CD59: variants seen among roughly 807,000 people sequenced by gnomAD.
CD59 encodes the protein CD59 glycoprotein.
CD59 carries 3 observed loss-of-function variants against 7.0 expected under a neutral mutation model. The observed-to-expected ratio is 0.43, with a 90% confidence interval of 0.19 to 1.10. The LOEUF (loss-of-function observed/expected upper bound fraction) is 1.10. Among genes scored for constraint, CD59 ranks in the 50% least tolerant of loss-of-function variants. The pLI is 0.29. For synonymous variants in CD59, 60 were observed against 62.0 expected (o/e 0.97, Z 0.15); for missense variants, 143 against 151.0 (o/e 0.95, Z 0.28).
intron 1 of CD59, chr11:33,733,628 A>AC (rs1854481065): frequency 1.3e-5 from 2 of 152,170 alleles, no homozygotes; most frequent in South Asian, 4.1e-4. Flanking sequence ...AAAATTAAAA[A>AC]AAAAAATTAT....
chr11:33,718,014 TC>T (rs1853878942), intron 2 of CD59: 1 of 179,866 alleles, frequency 5.6e-6, no homozygotes, highest in African/African-American at 2.4e-5. Context: ...CAAATGGTTA[TC>T]CCCCTAAAAA....
rs146736117 is a variant in CD59, at chr11:33,717,587, C to G, written c.68-116G>C. ...AGCAACTTGTGGTATACTTCCACTC[C>G]CGCACAAATGTATAGCAGTTATATC... On this transcript the variant is annotated intron_variant, in intron 2 of 3. Coordinates refer to ENST00000642928, the MANE Select transcript of CD59 (RefSeq NM_000611.6). 381 of 715,346 alleles carry G rather than the reference C, an allele frequency of 5.3e-4. 4 individuals are homozygous for G. In the African/African-American group the frequency reaches 5.8e-3, roughly 11 times the overall value. 44.3% of individuals were successfully genotyped at this position (715,346 alleles called of 1,614,324 possible).
intron 3 of CD59, among the ~76,000 whole-genome samples, chr11:33,712,298 T>C (rs912167586): frequency 6.6e-6 from 1 of 152,192 alleles, no homozygotes; most frequent in Non-Finnish European, 1.5e-5. Flanking sequence ...GTAGTTTGAA[T>C]TGAAAACTAC....
chr11:33,732,241 A>G (rs2133575166), intron 1 of CD59, among the ~76,000 whole-genome samples: 1 of 152,318 alleles, frequency 6.6e-6, no homozygotes, highest in Middle Eastern at 3.4e-3. Flanking sequence ...GTTGAATTTT[A>G]ATCCCCAGTG....
At chr11:33,723,617 G>A (rs1221081964) in intron 1 of CD59, among the ~76,000 whole-genome samples, 1 of 152,186 alleles carries the variant, frequency 6.6e-6, no homozygotes, top group Non-Finnish European at 1.5e-5. Context: ...ACAAATTGAG[G>A]GCTCCCCACC....
intron 3 of CD59, among the ~76,000 whole-genome samples, chr11:33,714,300 T>C (rs1853689795): frequency 1.3e-5 from 2 of 152,244 alleles, no homozygotes; most frequent in East Asian, 1.9e-4. Context: ...CTATACTGAA[T>C]ACTGTAGGCA....
chr11:33,725,754 A>G (rs955168922), intron 1 of CD59, among the ~76,000 whole-genome samples: 1 of 152,212 alleles, frequency 6.6e-6, no homozygotes, highest in African/African-American at 2.4e-5. Flanking sequence ...TAAGGAAATG[A>G]GTATACTATG....
intron 2 of CD59, chr11:33,718,788 G>C (rs1335103259): frequency 6.6e-6 from 1 of 152,136 alleles, no homozygotes; most frequent in Non-Finnish European, 1.5e-5. Flanking sequence ...AGTTTTTGCT[G>C]GGTTATTTTT....
At chr11:33,726,844 C>T (rs1393744767) in intron 1 of CD59, among the ~76,000 whole-genome samples, 1 of 152,148 alleles carries the variant, frequency 6.6e-6, no homozygotes, top group Non-Finnish European at 1.5e-5. Context: ...AAGGGGATAT[C>T]ACTACCAATC....
chr11:33,715,127 T>TA (rs60692346), intron 3 of CD59, among the ~76,000 whole-genome samples: 75 of 152,054 alleles, frequency 4.9e-4, no homozygotes, highest in African/African-American at 1.8e-3. Flanking sequence ...GCTAACATGA[T>TA]AAAAAATATA....
intron 1 of CD59, among the ~76,000 whole-genome samples, chr11:33,728,965 G>A (rs1297284335): frequency 2.6e-5 from 4 of 152,180 alleles, no homozygotes; most frequent in Non-Finnish European, 5.9e-5. Context: ...ACCACAATGA[G>A]ATACCATCTC....
In CD59 at chr11:33,710,206, C is replaced by A; in HGVS notation, c.307G>T (p.Gly103Cys). ...LCNFNEQLENGGTSLSEKTVL... is the reference protein window; with the variant it reads ...LCNFNEQLENCGTSLSEKTVL... ...GTTTTCTCTGATAAGGATGTCCCACCATTTTCAAGCTGTTCGTTAAAGTTA... is the reference window on the plus strand; with the variant it reads ...GTTTTCTCTGATAAGGATGTCCCACAATTTTCAAGCTGTTCGTTAAAGTTA... Residue 103 changes from glycine (G) to cysteine (C), a missense_variant, in exon 4 of 4, where the codon GGT becomes TGT. By Grantham distance (159) the Gly-to-Cys change is radical. Transcript: ENST00000642928. The A allele has an allele frequency of 1.2e-6, 2 of 1,614,188 alleles. No individual in the cohort carries two copies. Among genetic ancestry groups the A allele is most frequent in the Non-Finnish European group, 1.7e-6 (2 of 1,180,024 alleles).
In CD59 at chr11:33,704,097, G is replaced by C. The variant is rs1025119245; in HGVS notation, c.*6029C>G. Reference sequence around the variant, plus strand: ...CTGTCAGCCATCAGATCCTGACCAGGTGCTCAGCCTCTTTAGGGATATGTC... The same window carrying C: ...CTGTCAGCCATCAGATCCTGACCAGCTGCTCAGCCTCTTTAGGGATATGTC... On this transcript the variant is annotated 3_prime_UTR_variant, in exon 4 of 4. Transcript: ENST00000642928. 6.6e-6 allele frequency: 1 copy of C among 152,176 alleles called. No homozygotes were observed. Among genetic ancestry groups the C allele is most frequent in the Non-Finnish European group, 1.5e-5 (1 of 68,120 alleles). 9.4% of individuals were successfully genotyped at this position (152,176 alleles called of 1,614,324 possible).
At chr11:33,710,449 T>C in intron 3 of CD59, 106 bp from the exon 4 acceptor site, 5 of 884,816 alleles carry the variant, frequency 5.7e-6, no homozygotes, top group South Asian at 1.4e-5. Flanking sequence ...AGTAGAGACT[T>C]CTAGGCAAGA....
chr11:33,734,694 T>A (rs1450391149), intron 1 of CD59, among the ~76,000 whole-genome samples: 1 of 152,338 alleles, frequency 6.6e-6, no homozygotes, highest in South Asian at 2.1e-4. Context: ...TAAGTACACA[T>A]GCAAAACCAA....
At chr11:33,712,221 T>C (rs749309628) in intron 3 of CD59, among the ~76,000 whole-genome samples, 3 of 152,218 alleles carry the variant, frequency 2.0e-5, no homozygotes, top group African/African-American at 4.8e-5. Context: ...TGGTCTCATT[T>C]TTGGAAAAAT....
intron 3 of CD59, among the ~76,000 whole-genome samples, chr11:33,717,130 C>A (rs1169578312): frequency 6.6e-6 from 1 of 152,208 alleles, no homozygotes. Flanking sequence ...ACCATAATTT[C>A]TTGCTTAATC....
intron 1 of CD59, among the ~76,000 whole-genome samples, chr11:33,724,060 G>A (rs193226584): frequency 9.2e-5 from 14 of 152,304 alleles, no homozygotes; most frequent in African/African-American, 2.6e-4. Flanking sequence ...AGTGAGCTGT[G>A]ACTGTGCCAC....
At position 33,708,228 on chromosome 11, in the gene CD59, G is replaced by A. The variant is rs1465079963; in HGVS notation, c.*1898C>T. The A allele has an allele frequency of 6.6e-6, 1 of 152,100 alleles. No individual in the cohort carries two copies. Among genetic ancestry groups the A allele is most frequent in the Non-Finnish European group, 1.5e-5 (1 of 68,048 alleles). 9.4% of individuals were successfully genotyped at this position (152,100 alleles called of 1,614,324 possible). A position where few individuals can be genotyped will look rare whatever the true frequency, so the allele number is the denominator to read the frequency against. ...TGCAGAAAGCAACCCCAAAGTTTAA[G>A]GCCATTTATATGACCCTTGTTGATT... is the stretch of plus-strand genomic sequence containing the variant. On this transcript the variant is annotated 3_prime_UTR_variant, in exon 4 of 4. Coordinates refer to ENST00000642928, the MANE Select transcript of CD59 (RefSeq NM_000611.6).
Sources: allele counts gnomAD v4.1 joint callset (sites outside exome capture counted in the v4.1 genomes callset), GRCh38; gene constraint gnomAD v4.1.1; transcripts MANE v1.5; gene names NCBI Gene and HGNC (gene_info 2026-07-23, HGNC 2026-07-21).